STPG1: variants seen among roughly 807,000 people sequenced by gnomAD.
STPG1 encodes the protein O(6)-methylguanine-induced apoptosis 2.
Under a neutral mutation model 40.1 loss-of-function variants are expected in STPG1, and 33 were observed. That is an observed-to-expected ratio of 0.82 (90% confidence interval 0.62 to 1.10). The LOEUF (loss-of-function observed/expected upper bound fraction) is 1.10, where lower values mean the gene tolerates loss of function less well. Ranked by LOEUF, STPG1 falls within the 50% of genes least tolerant of loss-of-function variation. The pLI, the probability that STPG1 is intolerant of heterozygous loss-of-function variation, is 0.00. For synonymous variants in STPG1, 150 were observed against 155.0 expected (o/e 0.97, Z 0.24); for missense variants, 396 against 415.1 (o/e 0.95, Z 0.40).
intron 1 of STPG1, among the ~76,000 whole-genome samples, chr1:24,411,398 T>C (rs1441454551): frequency 1.3e-5 from 2 of 152,220 alleles, no homozygotes; most frequent in African/African-American, 2.4e-5. Context: ...AATATTAACT[T>C]GCTAAATTTT....
Position 24,358,630 on chromosome 1 carries a change from AC to A in STPG1, c.929-12del. The A allele has an allele frequency of 6.2e-7, 1 of 1,606,732 alleles. No individual in the cohort carries two copies. The highest frequency in any genetic ancestry group is 1.1e-5 in the South Asian group (1 of 90,866). On this transcript the variant is annotated splice_polypyrimidine_tract_variant and intron_variant, in intron 8 of 8. Coordinates refer to ENST00000337248, the MANE Select transcript of STPG1 (RefSeq NM_001199013.2). ...CTGGCTTGTACGTAGCTGTGAGGGG[AC>A]AGAGAGGCGGAGGCATTAAGAGAGA...
intron 5 of STPG1, among the ~76,000 whole-genome samples, chr1:24,374,352 G>A (rs959440185): frequency 2.9e-5 from 4 of 138,256 alleles, no homozygotes; most frequent in Non-Finnish European, 4.6e-5. Context: ...TCTGCCTCCC[G>A]GGTTCACGCC....
chr1:24,413,109 A>G (rs1053641451), intron 1 of STPG1, among the ~76,000 whole-genome samples: 3 of 152,192 alleles, frequency 2.0e-5, no homozygotes, highest in African/African-American at 7.2e-5. Context: ...ATTTTTTCAA[A>G]GCACTCTCAG....
chr1:24,376,796 G>T (rs1642047379), intron 5 of STPG1, among the ~76,000 whole-genome samples: 1 of 152,150 alleles, frequency 6.6e-6, no homozygotes, highest in Non-Finnish European at 1.5e-5. Context: ...GTTCCCACTT[G>T]GGACTGACAA....
chr1:24,378,114 A>G (rs2148693905), intron 5 of STPG1, among the ~76,000 whole-genome samples: 1 of 150,756 alleles, frequency 6.6e-6, no homozygotes, highest in South Asian at 2.1e-4. Context: ...GCATGTGGCT[A>G]TTGGCCCTGG....
At position 24,357,923 on chromosome 1, in the gene STPG1, C is replaced by T. The variant is rs374905236; in HGVS notation, c.*620G>A. The T allele has an allele frequency of 9.2e-6, 3 of 325,878 alleles. No individual in the cohort carries two copies. The highest frequency in any genetic ancestry group is 1.8e-5 in the Non-Finnish European group (3 of 164,276). 20.2% of individuals were successfully genotyped at this position (325,878 alleles called of 1,614,324 possible). ...GCCATTCCAAGATGATCTCCCACTC[C>T]AAAGAGAAAAAGGTCTAAAAGGAGT... On this transcript the variant is annotated 3_prime_UTR_variant, in exon 9 of 9. Coordinates refer to ENST00000337248, the MANE Select transcript of STPG1 (RefSeq NM_001199013.2).
chr1:24,369,354 G>A (rs1641620587), intron 7 of STPG1: 1 of 517,340 alleles, frequency 1.9e-6, no homozygotes, highest in Non-Finnish European at 3.9e-6. Context: ...TCCTCAAGTT[G>A]GCTGTGTGGA....
chr1:24,367,736 A>G (rs1352292622), intron 7 of STPG1, among the ~76,000 whole-genome samples: 1 of 151,038 alleles, frequency 6.6e-6, no homozygotes, highest in African/African-American at 2.4e-5. Context: ...CTGGTCTCAA[A>G]CTCCTAGCCT....
At chr1:24,379,367 C>A (rs753391871) in intron 5 of STPG1, 20 of 325,024 alleles carry the variant, frequency 6.2e-5, no homozygotes, top group Admixed American at 2.3e-4. Flanking sequence ...GAGAAAACTA[C>A]GTCCCAGAAA....
chr1:24,396,991 A>G (rs1643032350), intron 2 of STPG1, among the ~76,000 whole-genome samples: 1 of 152,210 alleles, frequency 6.6e-6, no homozygotes, highest in Non-Finnish European at 1.5e-5. Context: ...AATAATGGAA[A>G]AAGATTTACT....
chr1:24,409,207 A>T (rs542337422), intron 1 of STPG1, among the ~76,000 whole-genome samples: 1 of 152,274 alleles, frequency 6.6e-6, no homozygotes, highest in East Asian at 1.9e-4. Context: ...AAAAAATATA[A>T]AAATTAACCA....
In STPG1 at chr1:24,382,848, A is replaced by G. The variant is rs183723747; in HGVS notation, c.291+1054T>C. ...TACATCTGTGCAAGAAATTATTATA[A>G]CTTTTAAAGGGACAAGATGGCATAT... On this transcript the variant is annotated intron_variant, in intron 4 of 8. Transcript: ENST00000337248. 3.2e-4 allele frequency among the ~76,000 whole-genome samples: 48 copies of G among 151,964 alleles called. No homozygotes were observed. The Middle Eastern group carries it at 0.01, about 33-fold the overall frequency.
At chr1:24,391,436 C>T (rs771483792) in intron 3 of STPG1, 125 bp downstream of exon 3, 31 of 572,998 alleles carry the variant, frequency 5.4e-5, no homozygotes, top group Admixed American at 3.9e-4. Context: ...GCTGGTGCCG[C>T]GGCTCCTGGG....
At chr1:24,364,485 T>C (rs1202641379) in intron 7 of STPG1, 2 of 1,386,970 alleles carry the variant, frequency 1.4e-6, no homozygotes, top group African/African-American at 1.5e-5. Context: ...ATTTAAAATG[T>C]TGCATTTTCT....
intron 7 of STPG1, among the ~76,000 whole-genome samples, chr1:24,365,452 C>A (rs544092745): frequency 6.6e-6 from 1 of 152,190 alleles, no homozygotes; most frequent in East Asian, 1.9e-4. Context: ...ACCTCAGAAG[C>A]GAAACCTTGG....
rs1643128856 is a variant in STPG1, at chr1:24,399,384, T to A, written c.70+1935A>T. ...ACATGGAAAACAACAGACTCGGGCA[T>A]CTTCCTCAATCAAAAACAATTTCAA... is the stretch of plus-strand genomic sequence containing the variant. On this transcript the variant is annotated intron_variant, in intron 2 of 8. Transcript: ENST00000337248. The surrounding 1 kb of genome is among the most constrained non-coding windows in gnomAD (Gnocchi z 4.0). Among the ~76,000 whole-genome samples, 2 of 152,164 alleles carry A rather than the reference T, an allele frequency of 1.3e-5. No homozygotes were observed. The highest frequency in any genetic ancestry group is 4.1e-4 in the South Asian group (2 of 4,834).
At chr1:24,376,644 C>T (rs1642038926) in intron 5 of STPG1, among the ~76,000 whole-genome samples, 1 of 152,108 alleles carries the variant, frequency 6.6e-6, no homozygotes, top group Admixed American at 6.6e-5. Context: ...AGACAGGAAG[C>T]CGGGTGAAGG....
At chr1:24,391,710 T>C in intron 2 of STPG1, 31 bp from the exon 3 acceptor site, 1 of 1,439,020 alleles carries the variant, frequency 6.9e-7, no homozygotes, top group Non-Finnish European at 9.5e-7. Flanking sequence ...AAAATCAAAA[T>C]GAATACAAAA....
chr1:24,384,018 A>G lies in STPG1; in HGVS notation c.190-15T>C. ...GGGATATCATTCTGAAAGGGAAGAGAAGGTGGTGTCATCGAGATACTTCAA... is the reference window on the plus strand; with the variant it reads ...GGGATATCATTCTGAAAGGGAAGAGGAGGTGGTGTCATCGAGATACTTCAA... On this transcript the variant is annotated splice_polypyrimidine_tract_variant and intron_variant, in intron 3 of 8. Transcript: ENST00000337248. 6.6e-7 allele frequency: 1 copy of G among 1,522,002 alleles called. No individual in the cohort carries two copies. The highest frequency in any genetic ancestry group is 1.4e-5 in the African/African-American group (1 of 73,170). The allele number at this position is 1,522,002 out of a possible 1,614,324, so 94.3% of individuals were successfully genotyped here. A position where few individuals can be genotyped will look rare whatever the true frequency, so the allele number is the denominator to read the frequency against.
Sources: gnomAD v4.1 joint callset for allele counts (sites outside exome capture counted in the v4.1 genomes callset) on GRCh38, gnomAD v4.1.1 for gene constraint, Gnocchi (gnomAD v3.1) non-coding constraint, MANE v1.5 for transcripts, NCBI Gene and HGNC (gene_info 2026-07-23, HGNC 2026-07-21) for gene names.